Variants in DBF4B observed in about 807,000 individuals in gnomAD.
The protein encoded by DBF4B is protein DBF4 homolog B.
In DBF4B, 49 loss-of-function variants were observed where a neutral mutation model predicts 53.4. The observed-to-expected ratio is 0.92, with a 90% CI of 0.73 to 1.16. The LOEUF is 1.16. Ranked by LOEUF, DBF4B falls within the 50% of genes most tolerant of loss-of-function variation. The pLI, the probability that DBF4B is intolerant of heterozygous loss-of-function variation, is 0.00. For synonymous variants in DBF4B, 257 were observed against 288.7 expected (o/e 0.89, Z 1.11); for missense variants, 692 against 775.0 (o/e 0.89, Z 1.27).
chr17:44,732,088 A>T, intron 5 of DBF4B, 90 bp from the exon 6 acceptor site: 1 of 1,309,416 alleles, frequency 7.6e-7, no homozygotes, highest in Non-Finnish European at 1.1e-6. Flanking sequence ...TGGATGACTC[A>T]GGCCTCCCAG....
chr17:44,735,917 T>C (rs1444188151), intron 7 of DBF4B, among the ~76,000 whole-genome samples: 2 of 152,224 alleles, frequency 1.3e-5, no homozygotes, highest in Non-Finnish European at 1.5e-5. Flanking sequence ...ATTTATTTAC[T>C]TATTTTTCAG....
Position 44,751,887 on chromosome 17 carries a change from C to T in DBF4B, c.*634C>T, listed in dbSNP as rs2049283695. 6.5e-7 allele frequency: 1 copy of T among 1,536,208 alleles called. No individual in the cohort carries two copies. The highest frequency in any genetic ancestry group is 2.4e-5 in the East Asian group (1 of 40,902). On this transcript the variant is annotated 3_prime_UTR_variant, in exon 14 of 14. Transcript: ENST00000315005. ...AGCAGCCCCTCAGTGGCCTGGTTCT[C>T]CTGTCCCCCTGCCCTTCCTCACCAT... is the stretch of plus-strand genomic sequence containing the variant.
intron 2 of DBF4B, among the ~76,000 whole-genome samples, chr17:44,711,965 C>G (rs1234535372): frequency 6.6e-6 from 1 of 151,420 alleles, no homozygotes; most frequent in African/African-American, 2.4e-5. Flanking sequence ...GGCGTGGTGG[C>G]AGGCTCCTAT....
chr17:44,727,685 C>T (rs1974476243), intron 3 of DBF4B, among the ~76,000 whole-genome samples: 1 of 152,020 alleles, frequency 6.6e-6, no homozygotes, highest in African/African-American at 2.4e-5. Flanking sequence ...CTTAAAGCAA[C>T]AATTTATTTT....
At chr17:44,720,091 G>T in intron 2 of DBF4B, 1 of 270,070 alleles carries the variant, frequency 3.7e-6, no homozygotes, top group Non-Finnish European at 7.3e-6. Context: ...CAGAGGTCCA[G>T]TCCCAAGACC....
rs368032048 is a variant in DBF4B at position 44,741,439 on chromosome 17, A to T, written c.817A>T (p.Met273Leu). The T allele has an allele frequency of 3.1e-6, 5 of 1,609,462 alleles. No individual in the cohort carries two copies. The South Asian group carries it at 5.5e-5, about 18-fold the overall frequency. ...TGAGGCCCCGACGACCCTGGGCAGC[A>T]TGCACCATACCAGGTGGGTCTTTCT... ...PFEAPTTLGS[M>L]HHTRESKDGE... The change falls in exon 10 of 14, where the codon ATG becomes TTG. Residue 273 changes from methionine (M) to leucine (L), a missense_variant. Physicochemically the swap from Met to Leu is conservative, Grantham distance 15. Around this residue, in one of 3 missense-constraint regions of DBF4B, gnomAD observed 597 missense variants for 665.8 expected, o/e 0.90. Coordinates refer to ENST00000315005, the MANE Select transcript of DBF4B (RefSeq NM_145663.3).
rs753592541 is a variant in DBF4B at position 44,729,990 on chromosome 17, A to G, written c.311A>G (p.His104Arg). The G allele has an allele frequency of 2.5e-6, 4 of 1,613,854 alleles. No homozygotes were observed. Among genetic ancestry groups the G allele is most frequent in the African/African-American group, 2.7e-5 (2 of 74,924 alleles). Residue 104 changes from histidine to arginine, a missense_variant, in exon 4 of 14, where the codon CAT becomes CGT. His to Arg is a conservative substitution (Grantham distance 29, BLOSUM62 0). Around this residue, in one of 3 missense-constraint regions of DBF4B, gnomAD observed 597 missense variants for 665.8 expected, o/e 0.90. Transcript: ENST00000315005. ...AAGGCAGAGAGCAGTGGGAAAAGCC[A>G]TAGAGGCTGCCCTAGCCCTAGCCCC... ...EVKAESSGKS[H>R]RGCPSPSPSE...
intron 2 of DBF4B, among the ~76,000 whole-genome samples, chr17:44,714,119 C>A (rs182216585): frequency 1.7e-4 from 26 of 152,074 alleles, no homozygotes; most frequent in Admixed American, 1.4e-3. Flanking sequence ...GGGAGCTAAG[C>A]TGTGAGGATG....
rs748195211 is a variant in DBF4B at position 44,722,910 on chromosome 17, AG to A, written c.114del (p.Asn39ThrfsTer28). On this transcript the variant is annotated frameshift_variant, in exon 3 of 14. Coordinates refer to ENST00000315005, the MANE Select transcript of DBF4B (RefSeq NM_145663.3). LOFTEE classifies it high-confidence loss of function. ...TCCAGGTGTCTAGGAAAATGCCAGA[AG>A]AACTCACCAGGTGCCAGGAAGCATC... ...GVSRCLGKCQ[K>X]NSPGARKHPF... 2.0e-5 allele frequency: 33 copies of A among 1,614,106 alleles called. No homozygotes were observed. Among genetic ancestry groups the A allele is most frequent in the Non-Finnish European group, 2.8e-5 (33 of 1,180,046 alleles).
At chr17:44,720,093 C>A in intron 2 of DBF4B, 1 of 273,106 alleles carries the variant, frequency 3.7e-6, no homozygotes, top group South Asian at 5.0e-5. Context: ...GAGGTCCAGT[C>A]CCAAGACCAG....
Position 44,716,438 on chromosome 17 carries a change from A to G in DBF4B, c.83-6442A>G, listed in dbSNP as rs913030344. Among the ~76,000 whole-genome samples the G allele has an allele frequency of 3.9e-5, 6 of 152,230 alleles. No homozygotes were observed. The South Asian group carries it at 6.2e-4, about 16-fold the overall frequency. On this transcript the variant is annotated intron_variant, in intron 2 of 13. Transcript: ENST00000315005. ...TATACAGATATTCTTTTGATCCCCTATGTTTTCACTGGGGCTTTATCTTTG... is the reference window on the plus strand; with the variant it reads ...TATACAGATATTCTTTTGATCCCCTGTGTTTTCACTGGGGCTTTATCTTTG...
chr17:44,745,602 GA>G (rs1976516236), intron 10 of DBF4B, among the ~76,000 whole-genome samples: 1 of 152,158 alleles, frequency 6.6e-6, no homozygotes, highest in Non-Finnish European at 1.5e-5. Flanking sequence ...TAGCATGGGG[GA>G]AACCACCTGA....
At chr17:44,742,067 CAT>C (rs1976092648) in intron 10 of DBF4B, among the ~76,000 whole-genome samples, 1 of 148,846 alleles carries the variant, frequency 6.7e-6, no homozygotes, top group Non-Finnish European at 1.5e-5. Context: ...GGCACACAAA[CAT>C]AGCAAGACTC....
At position 44,752,105 on chromosome 17, in the gene DBF4B, C is replaced by T; in HGVS notation, c.*852C>T. 2.9e-6 allele frequency: 3 copies of T among 1,038,352 alleles called. No individual in the cohort carries two copies. The highest frequency in any genetic ancestry group is 4.3e-6 in the Non-Finnish European group (3 of 697,438). 64.3% of individuals were successfully genotyped at this position (1,038,352 alleles called of 1,614,324 possible). On this transcript the variant is annotated 3_prime_UTR_variant, in exon 14 of 14. Transcript: ENST00000315005. Reference sequence around the variant, plus strand: ...CCGATTGGTAGCTCCACCCCAACTCCCTTCTGCTGGGTGGAATGCAGGAGC... The same window carrying T: ...CCGATTGGTAGCTCCACCCCAACTCTCTTCTGCTGGGTGGAATGCAGGAGC...
intron 7 of DBF4B, among the ~76,000 whole-genome samples, chr17:44,734,701 A>G (rs931419713): frequency 5.3e-5 from 8 of 152,208 alleles, no homozygotes; most frequent in African/African-American, 1.9e-4. Context: ...CTGAGGAAGG[A>G]TTAAATCTAC....
rs1182184274 is a variant in DBF4B, at chr17:44,752,050, G to A, written c.*797G>A. 8 of 1,455,110 alleles carry A rather than the reference G, an allele frequency of 5.5e-6. No homozygotes were observed. The highest frequency in any genetic ancestry group is 3.6e-5 in the South Asian group (3 of 82,254). 90.1% of individuals were successfully genotyped at this position (1,455,110 alleles called of 1,614,324 possible). On this transcript the variant is annotated 3_prime_UTR_variant, in exon 14 of 14. Transcript: ENST00000315005. ...CAGGCCTTTGTTCTTGCCTCTTCTCGCTGAGCCTTTCACTTCTCGGCAGAT... is the reference window on the plus strand; with the variant it reads ...CAGGCCTTTGTTCTTGCCTCTTCTCACTGAGCCTTTCACTTCTCGGCAGAT...
intron 9 of DBF4B, among the ~76,000 whole-genome samples, chr17:44,739,085 C>T (rs1416668642): frequency 2.0e-5 from 3 of 152,154 alleles, no homozygotes; most frequent in African/African-American, 4.8e-5. Context: ...GTCCTGCCTA[C>T]CCTGTCTTGT....
chr17:44,709,728 C>G (rs142074429), intron 2 of DBF4B, among the ~76,000 whole-genome samples: 99 of 152,220 alleles, frequency 6.5e-4, no homozygotes, highest in African/African-American at 2.0e-3. Context: ...GATTAACAGA[C>G]AGATGTGGAG....
At chr17:44,738,453 C>T (rs1383299932) in intron 9 of DBF4B, 29 bp downstream of exon 9, 4 of 1,610,744 alleles carry the variant, frequency 2.5e-6, no homozygotes, top group Non-Finnish European at 3.4e-6. Context: ...CTCTGCTTGC[C>T]CCAGCTAGGC....
Sources: gnomAD v4.1 joint callset for allele counts (sites outside exome capture counted in the v4.1 genomes callset) on GRCh38, gnomAD v4.1.1 for gene constraint, gnomAD v4.1.1 regional missense constraint, MANE v1.5 for transcripts, NCBI Gene and HGNC (gene_info 2026-07-23, HGNC 2026-07-21) for gene names.